The following ZNF112 variants were observed in gnomAD, a reference collection of about 807,000 sequenced individuals.
ZNF112 encodes zinc finger protein 112, also known as zinc finger protein 112 (Y14).
ZNF112 carries 37 observed loss-of-function variants against 77.7 expected under a neutral mutation model. That is an observed-to-expected ratio of 0.48 (90% CI 0.37 to 0.63). The LOEUF (loss-of-function observed/expected upper bound fraction) is 0.63. Ranked by LOEUF, ZNF112 falls within the 20% of genes least tolerant of loss-of-function variation. The pLI, the probability that ZNF112 is intolerant of heterozygous loss-of-function variation, is 0.00. For synonymous variants in ZNF112, 333 were observed against 363.6 expected (o/e 0.92, Z 0.96); for missense variants, 950 against 1,077.4 (o/e 0.88, Z 1.66).
chr19:44,345,727 T>A (rs574851166), intron 1 of ZNF112, among the ~76,000 whole-genome samples: 2 of 152,196 alleles, frequency 1.3e-5, no homozygotes, highest in African/African-American at 4.8e-5. Flanking sequence ...GAATCTTTCA[T>A]GTCTGTCTGC....
At position 44,328,629 on chromosome 19, in the gene ZNF112, G is replaced by A; in HGVS notation, c.1528C>T (p.Gln510Ter). The A allele has an allele frequency of 6.2e-7, 1 of 1,614,096 alleles. No individual in the cohort carries two copies. The change falls in exon 4 of 4, where the codon CAG becomes TAG. Residue 510 changes from glutamine (Q) to a stop codon, truncating the protein, a stop_gained. Coordinates refer to ENST00000354340, the MANE Select transcript of ZNF112 (RefSeq NM_013380.4). LOFTEE classifies it high-confidence loss of function. ...FNWSSKLKDH[Q>*]RVHTGQKPYK... is the part of the protein sequence containing the mutation. ...GGCTTCTGTCCAGTGTGGACTCTCT[G>A]ATGATCTTTAAGTTTTGAGCTCCAG...
At chr19:44,337,621 C>T (rs976836012) in intron 2 of ZNF112, among the ~76,000 whole-genome samples, 11 of 149,408 alleles carry the variant, frequency 7.4e-5, no homozygotes, top group African/African-American at 2.2e-4. Context: ...AGGGTTGTAT[C>T]ATTTTGCATT....
At chr19:44,367,210 T>A in exon 1 of ZNF112, 2 of 451,640 alleles carry the variant, frequency 4.4e-6, no homozygotes, top group South Asian at 3.1e-5. Context: ...AATGATGACC[T>A]CACTTTCATG....
At chr19:44,349,123 C>T (rs1051955127) in intron 1 of ZNF112, among the ~76,000 whole-genome samples, 9 of 152,178 alleles carry the variant, frequency 5.9e-5, no homozygotes, top group South Asian at 2.1e-4. Context: ...TGTTTACGTA[C>T]GGCCTATGGC....
At chr19:44,355,493 T>A (rs2722739) in intron 1 of ZNF112, among the ~76,000 whole-genome samples, 46,824 of 152,062 alleles carry the variant, frequency 0.31, 9,745 homozygotes, top group African/African-American at 0.59. Context: ...GGTCCTCTAG[T>A]AAAATCCAAA....
upstream of ZNF112, among the ~76,000 whole-genome samples, chr19:44,360,539 A>G (rs1047480683): frequency 1.3e-5 from 2 of 152,140 alleles, no homozygotes; most frequent in African/African-American, 4.8e-5. Context: ...AATGATGTCC[A>G]CCCCAATCAT....
At chr19:44,363,950 T>C (rs1336618364) in intron 1 of ZNF112, among the ~76,000 whole-genome samples, 2 of 152,130 alleles carry the variant, frequency 1.3e-5, no homozygotes, top group African/African-American at 4.8e-5. Context: ...ACTCTTGTCA[T>C]GCAGGCTGGA....
Position 44,349,367 on chromosome 19 carries a change from G to GA in ZNF112, c.-4+7258dup, listed in dbSNP as rs58800072. Among the ~76,000 whole-genome samples the GA allele has an allele frequency of 7.9e-3, 1,181 of 149,416 alleles. 12 individuals are homozygous for GA. Among genetic ancestry groups the GA allele is most frequent in the African/African-American group, 0.022 (912 of 40,906 alleles). On this transcript the variant is annotated intron_variant, in intron 1 of 3. Coordinates refer to ENST00000354340, the MANE Select transcript of ZNF112 (RefSeq NM_013380.4). ...TACACACTCTTCAAGCCAAACACAA[G>GA]AAAAAAAAACAGAAAAACAGACTTT...
chr19:44,356,914 T>G (rs540497297), upstream of ZNF112, among the ~76,000 whole-genome samples: 31 of 152,074 alleles, frequency 2.0e-4, no homozygotes, highest in African/African-American at 6.3e-4. Flanking sequence ...ATTCCTTAAC[T>G]CCCCCTTCCT....
intron 1 of ZNF112, among the ~76,000 whole-genome samples, chr19:44,364,874 G>GACT (rs1970887920): frequency 6.6e-6 from 1 of 152,094 alleles, no homozygotes; most frequent in Non-Finnish European, 1.5e-5. Flanking sequence ...GACACCAAGG[G>GACT]ACTACTGTAT....
intron 1 of ZNF112, among the ~76,000 whole-genome samples, chr19:44,352,601 C>G (rs1599935423): frequency 6.6e-6 from 1 of 151,900 alleles, no homozygotes; most frequent in South Asian, 2.1e-4. Context: ...TGGAAAATCC[C>G]AAGGAATCTA....
At chr19:44,360,261 A>T (rs1025999583), upstream of ZNF112, among the ~76,000 whole-genome samples, 13 of 151,620 alleles carry the variant, frequency 8.6e-5, no homozygotes, top group African/African-American at 3.1e-4. Context: ...TCTCAAGAAA[A>T]AAAAAAAGAA....
chr19:44,361,129 T>A (rs866215271), upstream of ZNF112, among the ~76,000 whole-genome samples: 9 of 152,178 alleles, frequency 5.9e-5, no homozygotes, highest in African/African-American at 2.2e-4. Context: ...ACGAAGTTCA[T>A]TAGACATGCA....
At chr19:44,349,572 T>C (rs1456703867) in intron 1 of ZNF112, among the ~76,000 whole-genome samples, 1 of 151,986 alleles carries the variant, frequency 6.6e-6, no homozygotes, top group Non-Finnish European at 1.5e-5. Flanking sequence ...CAATAAATGG[T>C]CCGAAAAATT....
chr19:44,330,372 C>T (rs1322377704), intron 3 of ZNF112, among the ~76,000 whole-genome samples: 1 of 152,178 alleles, frequency 6.6e-6, no homozygotes, highest in African/African-American at 2.4e-5. Flanking sequence ...ATATCTGATG[C>T]CTCAAAATCA....
chr19:44,340,101 T>C (rs1373933612), intron 2 of ZNF112, among the ~76,000 whole-genome samples: 1 of 12,822 alleles, frequency 7.8e-5, no homozygotes, highest in Non-Finnish European at 1.4e-4. Context: ...AATATAATGT[T>C]TTTTTAAAAA....
upstream of ZNF112, among the ~76,000 whole-genome samples, chr19:44,360,300 A>G (rs767165614): frequency 6.6e-6 from 1 of 151,942 alleles, no homozygotes; most frequent in Non-Finnish European, 1.5e-5. Context: ...AGAAAATGAC[A>G]GGTCTATCTC....
chr19:44,343,131 A>T, intron 1 of ZNF112: 1 of 1,042,270 alleles, frequency 9.6e-7, no homozygotes. Context: ...AGAGCCTGAT[A>T]CATAAATGAT....
At position 44,326,585 on chromosome 19, in the gene ZNF112, T is replaced by C. The variant is rs546253718; in HGVS notation, c.*848A>G. ...ATTTTGACATTTATTAAAAAGTATT[T>C]GTCATCAGTAACCATTTTGGATACT... On this transcript the variant is annotated 3_prime_UTR_variant, in exon 4 of 4. Coordinates refer to ENST00000354340, the MANE Select transcript of ZNF112 (RefSeq NM_013380.4). 1 of 152,306 alleles carries C rather than the reference T, an allele frequency of 6.6e-6. No individual in the cohort carries two copies. Among genetic ancestry groups the C allele is most frequent in the South Asian group, 2.1e-4 (1 of 4,830 alleles). The allele number at this position is 152,306 out of a possible 1,614,324, so 9.4% of individuals were successfully genotyped here.
Sources: gnomAD v4.1 joint callset for allele counts (sites outside exome capture counted in the v4.1 genomes callset) on GRCh38, gnomAD v4.1.1 for gene constraint, MANE v1.5 for transcripts, NCBI Gene and HGNC (gene_info 2026-07-23, HGNC 2026-07-21) for gene names.